Variants in EIF4G3 observed in about 807,000 individuals in gnomAD.
EIF4G3 encodes the protein eukaryotic translation initiation factor 4 gamma 3.
EIF4G3 carries 34 observed loss-of-function variants against 186.4 expected under a neutral mutation model. That is an observed-to-expected ratio of 0.18 (90% CI 0.14 to 0.24). The LOEUF is 0.24. EIF4G3 is among the 10% of genes least tolerant of loss of function. The pLI is 1.00. For synonymous variants in EIF4G3, 673 were observed against 679.5 expected (o/e 0.99, Z 0.15); for missense variants, 1,536 against 1,948.5 (o/e 0.79, Z 3.99).
intron 30 of EIF4G3, among the ~76,000 whole-genome samples, chr1:20,832,195 C>T (rs911727616): frequency 1.4e-5 from 2 of 144,432 alleles, no homozygotes; most frequent in Non-Finnish European, 3.0e-5. Context: ...CTGACTTCCA[C>T]AATGGTTGAA....
chr1:21,173,137 CAAAAAAAAAAAAAA>C (rs1193601902), intron 2 of EIF4G3, among the ~76,000 whole-genome samples: 13 of 29,194 alleles, frequency 4.5e-4, no homozygotes, highest in Admixed American at 3.7e-3. Context: ...GACTCAATCT[CAAAAAAAAAAAAAA>C]AAAAAAAAAA....
At chr1:20,861,753 C>G (rs1287977077) in intron 23 of EIF4G3, among the ~76,000 whole-genome samples, 1 of 152,118 alleles carries the variant, frequency 6.6e-6, no homozygotes, top group Non-Finnish European at 1.5e-5. Flanking sequence ...GTGGGCAGAT[C>G]ATTTGAGGTC....
intron 3 of EIF4G3, among the ~76,000 whole-genome samples, chr1:21,070,663 CATAAA>C (rs200259689): frequency 0.018 from 2,689 of 152,146 alleles, 32 homozygotes; most frequent in Admixed American, 0.026. Flanking sequence ...TATGTGCAAA[CATAAA>C]ATAAAAAACA....
chr1:20,992,592 G>A (rs1475907813), intron 7 of EIF4G3, among the ~76,000 whole-genome samples: 1 of 152,056 alleles, frequency 6.6e-6, no homozygotes, highest in Non-Finnish European at 1.5e-5. Flanking sequence ...CTCATTATTT[G>A]TTTACACTAA....
At chr1:20,950,215 A>G (rs933155414) in intron 12 of EIF4G3, 104 bp from the exon 13 acceptor site, 2 of 697,392 alleles carry the variant, frequency 2.9e-6, no homozygotes, top group Non-Finnish European at 4.4e-6. Context: ...ACAGGAGATC[A>G]CAAAATTAAA....
intron 17 of EIF4G3, 74 bp from the exon 18 acceptor site, chr1:20,893,710 T>C: frequency 7.0e-7 from 1 of 1,429,502 alleles, no homozygotes; most frequent in Admixed American, 2.3e-5. Flanking sequence ...ACAAAAATTT[T>C]TACTGAAAAG....
intron 4 of EIF4G3, among the ~76,000 whole-genome samples, chr1:21,022,773 C>G (rs532645084): frequency 4.3e-4 from 65 of 152,324 alleles, no homozygotes; most frequent in Admixed American, 1.7e-3. Flanking sequence ...AAAACCAAGT[C>G]TCTCCAGTTG....
At chr1:21,038,398 C>A (rs2093363801) in intron 4 of EIF4G3, among the ~76,000 whole-genome samples, 1 of 152,210 alleles carries the variant, frequency 6.6e-6, no homozygotes, top group Admixed American at 6.5e-5. Context: ...CTTCCTACTT[C>A]AATGGCTGCT....
intron 8 of EIF4G3, among the ~76,000 whole-genome samples, chr1:20,981,594 CATGTAT>C (rs2078091740): frequency 1.5e-5 from 2 of 132,564 alleles, no homozygotes; most frequent in Non-Finnish European, 3.2e-5. Flanking sequence ...TGTATACATA[CATGTAT>C]ACGCACATAC....
intron 2 of EIF4G3, among the ~76,000 whole-genome samples, chr1:21,131,347 T>G (rs1573019960): frequency 7.2e-6 from 1 of 139,306 alleles, no homozygotes; most frequent in Non-Finnish European, 1.5e-5. Flanking sequence ...GTTCCACTAA[T>G]GTGGGAAAGT....
chr1:21,007,515 T>TAAAAAAAAAAAAAAAAAAAA (rs368328382), intron 4 of EIF4G3, among the ~76,000 whole-genome samples: 1 of 14,878 alleles, frequency 6.7e-5, no homozygotes. Context: ...GGCCCCTCCT[T>TAAAAAAAAAAAAAAAAAAAA]AAAAAAAAAA....
intron 8 of EIF4G3, among the ~76,000 whole-genome samples, chr1:20,981,623 TACATGTATACGC>T (rs2078138210): frequency 8.1e-6 from 1 of 123,148 alleles, no homozygotes; most frequent in Non-Finnish European, 1.7e-5. Context: ...TATGTATACA[TACATGTATACGC>T]ACATACTGTA....
intron 2 of EIF4G3, among the ~76,000 whole-genome samples, chr1:21,134,385 CTGGCCAGGTGTGG>C (rs1288389785): frequency 1.3e-5 from 2 of 151,902 alleles, no homozygotes; most frequent in African/African-American, 4.8e-5. Flanking sequence ...ATACACTGGG[CTGGCCAGGTGTGG>C]TGGCTCACAC....
rs751960328 is a variant in EIF4G3, at chr1:20,862,210, A to ATTT, written c.3111+15_3111+17dup. 12 of 1,300,818 alleles carry ATTT rather than the reference A, an allele frequency of 9.2e-6. No homozygotes were observed. Among genetic ancestry groups the ATTT allele is most frequent in the Non-Finnish European group, 1.1e-5 (10 of 925,596 alleles). The allele number at this position is 1,300,818 out of a possible 1,614,324, so 80.6% of individuals were successfully genotyped here. On this transcript the variant is annotated intron_variant, in intron 23 of 36. Coordinates refer to ENST00000602326, the MANE Select transcript of EIF4G3 (RefSeq NM_001391906.1). ...AGACTGGACCAGCAGGCTTATTATT[A>ATTT]TTTTTTTTCCCACTCACCAGCCTTA...
chr1:20,940,228 C>T (rs1224205655), intron 14 of EIF4G3, among the ~76,000 whole-genome samples: 2 of 152,142 alleles, frequency 1.3e-5, no homozygotes, highest in African/African-American at 4.8e-5. Context: ...GAACAAGTTT[C>T]CTAAAACAGT....
intron 3 of EIF4G3, among the ~76,000 whole-genome samples, chr1:21,082,828 G>A (rs2095831920): frequency 6.6e-6 from 1 of 151,606 alleles, no homozygotes; most frequent in South Asian, 2.1e-4. Flanking sequence ...CACGAGGTCA[G>A]GAGATCGAGA....
intron 18 of EIF4G3, chr1:20,892,574 T>G: frequency 7.9e-7 from 1 of 1,265,812 alleles, no homozygotes. Context: ...GAAAATATTA[T>G]AACACCAGAG....
intron 19 of EIF4G3, among the ~76,000 whole-genome samples, chr1:20,880,727 C>T (rs79089352): frequency 0.033 from 4,990 of 151,884 alleles, 157 homozygotes; most frequent in East Asian, 0.12. Flanking sequence ...CTGCAGCTTG[C>T]GCAACAGAGT....
At chr1:21,017,825 A>G (rs1557535186) in intron 4 of EIF4G3, among the ~76,000 whole-genome samples, 1 of 151,632 alleles carries the variant, frequency 6.6e-6, no homozygotes, top group African/African-American at 2.4e-5. Flanking sequence ...GAAATCCAAA[A>G]CTCTTCTGGT....
Sources: gnomAD v4.1 joint callset for allele counts (sites outside exome capture counted in the v4.1 genomes callset) on GRCh38, gnomAD v4.1.1 for gene constraint, MANE v1.5 for transcripts, NCBI Gene and HGNC (gene_info 2026-07-23, HGNC 2026-07-21) for gene names.